The following RPS6KC1 variants were observed in gnomAD, a reference collection of about 807,000 sequenced individuals.
RPS6KC1 encodes ribosomal protein S6 kinase C1.
In RPS6KC1, 54 loss-of-function variants were observed where a neutral mutation model predicts 103.8. The ratio of observed to expected loss-of-function variants is 0.52; its 90% confidence interval spans 0.42 to 0.65. The LOEUF is 0.65. Ranked by LOEUF, RPS6KC1 falls within the 30% of genes least tolerant of loss-of-function variation. The probability of loss-of-function intolerance (pLI) is 0.00; values close to 1 mark genes in which losing one functional copy is unlikely to be tolerated. For missense variants in RPS6KC1, 1,151 were observed against 1,253.8 expected (o/e 0.92, Z 1.24); for synonymous variants, 439 against 438.7 (o/e 1.00, Z -0.01).
chr1:213,120,538 C>G (rs1031846099), intron 5 of RPS6KC1, among the ~76,000 whole-genome samples: 1 of 152,008 alleles, frequency 6.6e-6, no homozygotes, highest in Non-Finnish European at 1.5e-5. Flanking sequence ...AGCAGGAAAG[C>G]CAGCAGCCAG....
At chr1:213,462,256 C>T in the RPS6KC1 span, among the ~76,000 whole-genome samples, 1 of 152,138 alleles carries the variant, frequency 6.6e-6, no homozygotes, top group African/African-American at 2.4e-5. Flanking sequence ...AGTCAGGAAG[C>T]AACAGATGCT....
At chr1:213,561,313 A>G in the RPS6KC1 span, among the ~76,000 whole-genome samples, 8 of 152,208 alleles carry the variant, frequency 5.3e-5, no homozygotes, top group African/African-American at 9.7e-5. Flanking sequence ...TTGGAAAGCC[A>G]TAAACCATTG....
At chr1:213,556,862 C>T in the RPS6KC1 span, among the ~76,000 whole-genome samples, 17 of 152,184 alleles carry the variant, frequency 1.1e-4, no homozygotes, top group South Asian at 4.1e-4. Context: ...GAGCATCATT[C>T]GTTACTTCTG....
the RPS6KC1 span, among the ~76,000 whole-genome samples, chr1:213,767,918 C>T: frequency 7.2e-5 from 11 of 152,126 alleles, no homozygotes; most frequent in East Asian, 5.8e-4. Context: ...CTACTGGTCA[C>T]GCCGCAAGCA....
At chr1:213,348,811 C>T in the RPS6KC1 span, among the ~76,000 whole-genome samples, 2 of 152,172 alleles carry the variant, frequency 1.3e-5, no homozygotes, top group Non-Finnish European at 2.9e-5. Context: ...CTCTGTATAA[C>T]AATAAACCCT....
intron 7 of RPS6KC1, among the ~76,000 whole-genome samples, chr1:213,175,201 A>AT (rs1268400703): frequency 6.6e-6 from 1 of 151,962 alleles, no homozygotes; most frequent in Non-Finnish European, 1.5e-5. Flanking sequence ...TCTCCCTCAC[A>AT]TTTTCCAACT....
the RPS6KC1 span, among the ~76,000 whole-genome samples, chr1:213,281,271 C>T: frequency 2.0e-5 from 3 of 152,208 alleles, no homozygotes; most frequent in East Asian, 5.8e-4. Flanking sequence ...GTGTAAGGCT[C>T]CGAGTAACTC....
chr1:213,335,397 C>G, the RPS6KC1 span, among the ~76,000 whole-genome samples: 1 of 152,184 alleles, frequency 6.6e-6, no homozygotes, highest in Non-Finnish European at 1.5e-5. Flanking sequence ...GGTAGCTGGT[C>G]CGCTATCATC....
At chr1:213,779,881 G>A in the RPS6KC1 span, among the ~76,000 whole-genome samples, 1 of 152,138 alleles carries the variant, frequency 6.6e-6, no homozygotes, top group Non-Finnish European at 1.5e-5. Flanking sequence ...AATGTTAAAT[G>A]TCTATAGTAA....
At chr1:213,730,488 A>G in the RPS6KC1 span, among the ~76,000 whole-genome samples, 2 of 152,142 alleles carry the variant, frequency 1.3e-5, no homozygotes, top group African/African-American at 4.8e-5. Flanking sequence ...ATGGTATCTC[A>G]TTGGGGTTTT....
chr1:213,491,750 A>C, the RPS6KC1 span, among the ~76,000 whole-genome samples: 1 of 152,076 alleles, frequency 6.6e-6, no homozygotes, highest in African/African-American at 2.4e-5. Flanking sequence ...GTGTGTTCTG[A>C]GTTAGGAAAT....
the RPS6KC1 span, among the ~76,000 whole-genome samples, chr1:213,325,317 G>C: frequency 6.6e-6 from 1 of 152,154 alleles, no homozygotes; most frequent in East Asian, 1.9e-4. Flanking sequence ...AAATAGCTTG[G>C]TGCTAACTAC....
chr1:213,138,322 T>C (rs2086618784), intron 6 of RPS6KC1, among the ~76,000 whole-genome samples: 1 of 152,220 alleles, frequency 6.6e-6, no homozygotes, highest in Non-Finnish European at 1.5e-5. Flanking sequence ...CAACACTGTA[T>C]TGAGCAAGTC....
the RPS6KC1 span, among the ~76,000 whole-genome samples, chr1:213,505,445 T>C: frequency 6.6e-6 from 1 of 152,224 alleles, no homozygotes; most frequent in African/African-American, 2.4e-5. Flanking sequence ...GTGCCAGCTA[T>C]ATGACCTTGG....
At chr1:213,522,361 G>A in the RPS6KC1 span, among the ~76,000 whole-genome samples, 1 of 152,206 alleles carries the variant, frequency 6.6e-6, no homozygotes, top group Non-Finnish European at 1.5e-5. Flanking sequence ...CACTGATAGA[G>A]GGCAGGCGGA....
At chr1:213,465,115 A>G in the RPS6KC1 span, among the ~76,000 whole-genome samples, 3 of 152,118 alleles carry the variant, frequency 2.0e-5, no homozygotes, top group African/African-American at 7.2e-5. Context: ...TATCTGTAGG[A>G]TCATCCAAGA....
At chr1:213,641,813 AC>A in the RPS6KC1 span, among the ~76,000 whole-genome samples, 1 of 55,392 alleles carries the variant, frequency 1.8e-5, no homozygotes, top group Non-Finnish European at 3.7e-5. Flanking sequence ...TGCCCCACCC[AC>A]CCCCACCCCC....
the RPS6KC1 span, among the ~76,000 whole-genome samples, chr1:213,718,308 C>T: frequency 2.6e-5 from 4 of 152,186 alleles, no homozygotes; most frequent in Admixed American, 6.5e-5. Flanking sequence ...GGCTGGGGCT[C>T]GCCCACCTCT....
chr1:213,786,892 C>G, the RPS6KC1 span, among the ~76,000 whole-genome samples: 2 of 152,074 alleles, frequency 1.3e-5, no homozygotes, highest in African/African-American at 4.8e-5. Flanking sequence ...GGTAGCTTCT[C>G]AAAGAAGTCT....
Sources: allele counts gnomAD v4.1 joint callset (sites outside exome capture counted in the v4.1 genomes callset), GRCh38; gene constraint gnomAD v4.1.1; transcripts MANE v1.5; gene names NCBI Gene and HGNC (gene_info 2026-07-23, HGNC 2026-07-21).